PRICKLE1: variants seen among roughly 807,000 people sequenced by gnomAD.
The protein encoded by PRICKLE1 is prickle-like protein 1.
Under a neutral mutation model 70.2 loss-of-function variants are expected in PRICKLE1, and 14 were observed. That is an observed-to-expected ratio of 0.20 (90% CI 0.13 to 0.31). The LOEUF (loss-of-function observed/expected upper bound fraction) is 0.31. PRICKLE1 is among the 10% of genes least tolerant of loss of function. PRICKLE1 has a pLI of 1.00. For missense variants in PRICKLE1, 821 were observed against 1,026.2 expected (o/e 0.80, Z 2.73); for synonymous variants, 357 against 379.9 (o/e 0.94, Z 0.70).
intron 1 of PRICKLE1, among the ~76,000 whole-genome samples, chr12:42,478,849 G>A (rs1482844187): frequency 6.6e-6 from 1 of 151,534 alleles, no homozygotes; most frequent in Non-Finnish European, 1.5e-5. Context: ...TAGTTAAATA[G>A]CTATTTCTCA....
At chr12:42,510,117 C>T (rs752139561) in intron 1 of PRICKLE1, among the ~76,000 whole-genome samples, 9 of 151,174 alleles carry the variant, frequency 6.0e-5, no homozygotes, top group African/African-American at 7.3e-5. Flanking sequence ...TTTTTTGAGA[C>T]GGAGTCTCCC....
intron 1 of PRICKLE1, among the ~76,000 whole-genome samples, chr12:42,554,466 A>G (rs1316107125): frequency 6.6e-6 from 1 of 152,236 alleles, no homozygotes; most frequent in Admixed American, 6.5e-5. Context: ...AACTATGGCC[A>G]TTGATTTCCC....
At chr12:42,469,631 C>T in intron 3 of PRICKLE1, 44 bp from the exon 4 acceptor site, 2 of 1,612,186 alleles carry the variant, frequency 1.2e-6, no homozygotes, top group South Asian at 2.2e-5. Context: ...AGTGCACAGT[C>T]TTTCTCACCA....
chr12:42,578,743 T>TTTTTTTTATTTATTTA (rs1555241839), intron 1 of PRICKLE1, among the ~76,000 whole-genome samples: 2 of 146,184 alleles, frequency 1.4e-5, no homozygotes, highest in African/African-American at 2.5e-5. Flanking sequence ...GTTTATTTCA[T>TTTTTTTTATTTATTTA]TTTATTTATT....
At chr12:42,578,345 T>C (rs533731701) in intron 1 of PRICKLE1, among the ~76,000 whole-genome samples, 216 of 152,304 alleles carry the variant, frequency 1.4e-3, no homozygotes, top group African/African-American at 4.9e-3. Context: ...TTAACATACA[T>C]GGCAACATCA....
chr12:42,472,417 C>T lies in PRICKLE1; in HGVS notation c.100G>A (p.Ala34Thr), dbSNP rs781255236. ...DDSGCALEEY[A>T]WVPPGLRPEQ... ...GGTCTCAGGCCCGGGGGGACCCAGG[C>T]GTACTCCTCCAATGCACAGCCAGAG... Residue 34 changes from alanine to threonine, a missense_variant, in exon 2 of 8, where the codon GCC becomes ACC. By Grantham distance (58) the Ala-to-Thr change is moderately conservative. Coordinates refer to ENST00000345127, the MANE Select transcript of PRICKLE1 (RefSeq NM_153026.3). 1.2e-5 allele frequency: 19 copies of T among 1,613,990 alleles called. No homozygotes were observed. The highest frequency in any genetic ancestry group is 2.2e-5 in the East Asian group (1 of 44,894).
intron 1 of PRICKLE1, among the ~76,000 whole-genome samples, chr12:42,493,994 G>A (rs12317555): frequency 6.6e-6 from 1 of 152,140 alleles, no homozygotes; most frequent in African/African-American, 2.4e-5. Flanking sequence ...AGCAAATATT[G>A]TAATTTCCCA....
chr12:42,493,856 T>C (rs943922292), intron 1 of PRICKLE1, among the ~76,000 whole-genome samples: 7 of 80,660 alleles, frequency 8.7e-5, no homozygotes, highest in African/African-American at 3.5e-4. Context: ...AGACCGTGTC[T>C]AAAAAAAAAA....
At chr12:42,516,111 A>G (rs1287752472) in intron 1 of PRICKLE1, among the ~76,000 whole-genome samples, 2 of 151,694 alleles carry the variant, frequency 1.3e-5, no homozygotes, top group Non-Finnish European at 2.9e-5. Flanking sequence ...CAAGACTTCT[A>G]GCAAATGGCC....
At position 42,531,132 on chromosome 12, in the gene PRICKLE1, C is replaced by T. The variant is rs540599097; in HGVS notation, c.-49+58333G>A. ...CACGATCTCGGCTCACTGCAAGCTCCGCCTCCCAGGTTCACGCCATTCTCC... is the reference window on the plus strand; with the variant it reads ...CACGATCTCGGCTCACTGCAAGCTCTGCCTCCCAGGTTCACGCCATTCTCC... On this transcript the variant is annotated intron_variant, in intron 1 of 7. Coordinates refer to ENST00000345127, the MANE Select transcript of PRICKLE1 (RefSeq NM_153026.3). Among the ~76,000 whole-genome samples the T allele has an allele frequency of 9.3e-4, 20 of 21,408 alleles. 1 individual carries two copies. The South Asian group carries it at 0.016, about 17-fold the overall frequency. 14.0% of individuals were successfully genotyped at this position (21,408 alleles called of 152,430 possible). A position where few individuals can be genotyped will look rare whatever the true frequency, so the allele number is the denominator to read the frequency against.
At chr12:42,522,196 G>A (rs1049930218) in intron 1 of PRICKLE1, among the ~76,000 whole-genome samples, 5 of 151,798 alleles carry the variant, frequency 3.3e-5, no homozygotes, top group Admixed American at 1.3e-4. Flanking sequence ...GGCTGGTCTC[G>A]AACACCAGAC....
At chr12:42,508,149 G>A (rs1473244741) in intron 1 of PRICKLE1, among the ~76,000 whole-genome samples, 1 of 151,972 alleles carries the variant, frequency 6.6e-6, no homozygotes, top group African/African-American at 2.4e-5. Context: ...AATAGAGAAT[G>A]TGGCTTTGAG....
intron 1 of PRICKLE1, among the ~76,000 whole-genome samples, chr12:42,566,577 C>G (rs1940624473): frequency 6.6e-6 from 1 of 152,132 alleles, no homozygotes; most frequent in African/African-American, 2.4e-5. Context: ...CCATTTGGAA[C>G]CTGTTTCTTC....
chr12:42,537,144 CT>C (rs1218062224), intron 1 of PRICKLE1, among the ~76,000 whole-genome samples: 2,506 of 144,152 alleles, frequency 0.017, 60 homozygotes, highest in African/African-American at 0.056. Flanking sequence ...TAAGTAGAGA[CT>C]TTTTTTTTTT....
At chr12:42,525,234 G>A (rs753818811) in intron 1 of PRICKLE1, among the ~76,000 whole-genome samples, 28 of 152,240 alleles carry the variant, frequency 1.8e-4, no homozygotes, top group Non-Finnish European at 3.5e-4. Context: ...GGGCAGTAGA[G>A]CATCGAAGCT....
intron 1 of PRICKLE1, among the ~76,000 whole-genome samples, chr12:42,557,596 C>T (rs925497993): frequency 4.5e-4 from 68 of 152,248 alleles, no homozygotes; most frequent in Non-Finnish European, 7.4e-4. Flanking sequence ...AAAAGATGTC[C>T]ATGTTTGTTC....
At chr12:42,519,066 T>C (rs537891808) in intron 1 of PRICKLE1, among the ~76,000 whole-genome samples, 30 of 152,262 alleles carry the variant, frequency 2.0e-4, no homozygotes, top group African/African-American at 6.5e-4. Flanking sequence ...GACCCTCAAG[T>C]AGTAATCGTT....
intron 1 of PRICKLE1, among the ~76,000 whole-genome samples, chr12:42,514,409 T>A (rs1044937675): frequency 8.1e-6 from 1 of 123,904 alleles, no homozygotes; most frequent in African/African-American, 3.7e-5. Flanking sequence ...GATCATCATC[T>A]TTTTTTTTGT....
intron 1 of PRICKLE1, among the ~76,000 whole-genome samples, chr12:42,555,291 C>T (rs1265255550): frequency 2.6e-5 from 4 of 152,100 alleles, no homozygotes; most frequent in South Asian, 2.1e-4. Context: ...GTGACAAGAG[C>T]GAAACTCCAT....
Sources: allele counts gnomAD v4.1 joint callset (sites outside exome capture counted in the v4.1 genomes callset), GRCh38; gene constraint gnomAD v4.1.1; transcripts MANE v1.5; gene names NCBI Gene and HGNC (gene_info 2026-07-23, HGNC 2026-07-21).